Variants in FGF13 observed in about 807,000 individuals in gnomAD.
FGF13 encodes fibroblast growth factor 13, also known as fibroblast growth factor homologous factor 2.
FGF13 carries 2 observed loss-of-function variants against 19.5 expected under a neutral mutation model. The observed-to-expected ratio is 0.10, with a 90% CI of 0.04 to 0.32. FGF13 has a LOEUF of 0.32. Ranked by LOEUF, FGF13 falls within the 10% of genes least tolerant of loss-of-function variation. The pLI is 1.00. For missense variants in FGF13, 113 were observed against 192.7 expected, an observed-to-expected ratio of 0.59 and a Z score of 2.45; for synonymous variants, 72 against 76.9, an observed-to-expected ratio of 0.94 and a Z score of 0.33.
At chrX:138,654,162 T>C (rs1004363915) in intron 3 of FGF13, among the ~76,000 whole-genome samples, 11 of 111,638 alleles carry the variant, frequency 9.9e-5, no homozygotes, top group African/African-American at 3.6e-4. Flanking sequence ...TAGTACATTC[T>C]CCATAAAGTT....
intron 1 of FGF13, among the ~76,000 whole-genome samples, chrX:138,883,556 G>A (rs957355771): frequency 1.8e-4 from 20 of 111,507 alleles, no homozygotes; most frequent in Non-Finnish European, 7.5e-5. Flanking sequence ...TCATACAATG[G>A]TGTATGGGAT....
intron 3 of FGF13, among the ~76,000 whole-genome samples, chrX:138,837,631 G>A (rs753697873): frequency 1.3e-4 from 14 of 111,853 alleles, no homozygotes; most frequent in South Asian, 1.1e-3. Context: ...AACACCAGTC[G>A]GGGTGGCTGC....
In FGF13 at chrX:139,146,229, G is replaced by C. The variant is rs769697111; in HGVS notation, c.-113+57187C>G. Reference sequence around the variant, plus strand: ...TTTTGCAATCTACCCATCTGACAAAGGGCTAATATCCAGAATCTACAAAGA... The same window carrying C: ...TTTTGCAATCTACCCATCTGACAAACGGCTAATATCCAGAATCTACAAAGA... On this transcript the variant is annotated intron_variant, in intron 1 of 2. Transcript: ENST00000421460. 5.4e-5 allele frequency among the ~76,000 whole-genome samples: 6 copies of C among 111,831 alleles called. No individual in the cohort carries two copies. The East Asian group carries it at 1.7e-3, about 32-fold the overall frequency.
At chrX:139,118,517 T>G (rs1351450508) in intron 1 of FGF13, among the ~76,000 whole-genome samples, 1 of 111,717 alleles carries the variant, frequency 9.0e-6, no homozygotes, top group East Asian at 2.8e-4. Context: ...TTTATAGCTT[T>G]TGACATTTAA....
At chrX:139,068,112 G>C (rs2092363278) in intron 1 of FGF13, among the ~76,000 whole-genome samples, 1 of 94,332 alleles carries the variant, frequency 1.1e-5, no homozygotes. Flanking sequence ...GGTTTTTATG[G>C]TTTTAGGTCT....
chrX:138,868,369 TGTGTGTGTGC>T (rs2091340299), intron 1 of FGF13, among the ~76,000 whole-genome samples: 1 of 110,783 alleles, frequency 9.0e-6, no homozygotes, highest in South Asian at 3.8e-4. Flanking sequence ...GCCCAGTGTG[TGTGTGTGTGC>T]GTGTGTGTGT....
intron 1 of FGF13, among the ~76,000 whole-genome samples, chrX:139,196,929 C>A (rs1397219410): frequency 8.9e-6 from 1 of 112,309 alleles, no homozygotes; most frequent in Non-Finnish European, 1.9e-5. Context: ...ATTATTTCTG[C>A]CACGTATCTA....
chrX:139,009,199 AGAG>A (rs2092117541), intron 1 of FGF13, among the ~76,000 whole-genome samples: 1 of 112,285 alleles, frequency 8.9e-6, no homozygotes, highest in African/African-American at 3.2e-5. Flanking sequence ...CTGAGGAAGA[AGAG>A]AAATCTCACA....
intron 1 of FGF13, among the ~76,000 whole-genome samples, chrX:139,067,736 C>T (rs184235032): frequency 8.9e-6 from 1 of 112,001 alleles, no homozygotes; most frequent in Non-Finnish European, 1.9e-5. Context: ...TAACTGCTAT[C>T]CCCATCAAGC....
intron 1 of FGF13, among the ~76,000 whole-genome samples, chrX:139,148,289 A>G (rs141124073): frequency 7.6e-4 from 85 of 111,437 alleles, no homozygotes; most frequent in African/African-American, 2.7e-3. Context: ...CCACACCCAC[A>G]TGGGCAGTGC....
chrX:138,731,252 T>C (rs1055637463), intron 1 of FGF13, among the ~76,000 whole-genome samples: 2 of 110,255 alleles, frequency 1.8e-5, no homozygotes, highest in Non-Finnish European at 3.8e-5. Context: ...CAACAGCAAA[T>C]AACACATTAA....
At chrX:139,008,119 C>A (rs1024579871) in intron 1 of FGF13, among the ~76,000 whole-genome samples, 18 of 112,072 alleles carry the variant, frequency 1.6e-4, no homozygotes, top group African/African-American at 5.8e-4. Flanking sequence ...GGGAACCACA[C>A]CCCCTTCCCA....
intron 1 of FGF13, among the ~76,000 whole-genome samples, chrX:139,096,096 T>G (rs1170644428): frequency 8.9e-6 from 1 of 111,876 alleles, no homozygotes; most frequent in Non-Finnish European, 1.9e-5. Flanking sequence ...TTGAACAGAT[T>G]CTGAGTAGTC....
intron 3 of FGF13, among the ~76,000 whole-genome samples, chrX:138,829,873 TG>T (rs1237987569): frequency 9.0e-6 from 1 of 111,522 alleles, no homozygotes; most frequent in Non-Finnish European, 1.9e-5. Context: ...TGTGCCACAA[TG>T]CTTGGCTAAT....
intron 1 of FGF13, among the ~76,000 whole-genome samples, chrX:139,112,071 A>G (rs2083606776): frequency 8.9e-6 from 1 of 111,988 alleles, no homozygotes; most frequent in Non-Finnish European, 1.9e-5. Flanking sequence ...TTTATTTGAT[A>G]CCAAAAAGAA....
intron 1 of FGF13, among the ~76,000 whole-genome samples, chrX:138,976,637 C>T (rs953396791): frequency 6.3e-5 from 7 of 111,523 alleles, no homozygotes; most frequent in Non-Finnish European, 1.1e-4. Context: ...AAGTTTCAGA[C>T]TTCACCACTA....
intron 1 of FGF13, among the ~76,000 whole-genome samples, chrX:139,160,471 G>T (rs1439490792): frequency 9.0e-6 from 1 of 110,700 alleles, no homozygotes; most frequent in East Asian, 2.8e-4. Context: ...GCTAGCAGAG[G>T]GCAAGAAATA....
chrX:138,954,124 A>AGAGAGAG (rs1352017544), intron 1 of FGF13, among the ~76,000 whole-genome samples: 1 of 65,217 alleles, frequency 1.5e-5, no homozygotes, highest in African/African-American at 5.2e-5. Flanking sequence ...GAGAGAGAGG[A>AGAGAGAG]GAGAGCATAC....
intron 1 of FGF13, among the ~76,000 whole-genome samples, chrX:138,735,145 T>G (rs779034853): frequency 8.9e-6 from 1 of 112,092 alleles, no homozygotes; most frequent in Non-Finnish European, 1.9e-5. Flanking sequence ...TAGCTAGTAT[T>G]AGAGCTGGAA....
Sources: gnomAD v4.1 joint callset for allele counts (sites outside exome capture counted in the v4.1 genomes callset) on GRCh38, gnomAD v4.1.1 for gene constraint, MANE v1.5 for transcripts, NCBI Gene and HGNC (gene_info 2026-07-23, HGNC 2026-07-21) for gene names.